TMEM223: variants seen among roughly 807,000 people sequenced by gnomAD.
TMEM223 encodes transmembrane protein 223.
A neutral mutation model predicts 14.1 loss-of-function variants in TMEM223; 14 were observed. That is an observed-to-expected ratio of 0.99 (90% CI 0.66 to 1.55). TMEM223 has a LOEUF of 1.55. TMEM223 is among the 40% of genes most tolerant of loss of function. The pLI is 0.00. For synonymous variants in TMEM223, 145 were observed against 120.5 expected, an observed-to-expected ratio of 1.20 and a Z score of -1.33; for missense variants, 346 against 269.9, an observed-to-expected ratio of 1.28 and a Z score of -1.97.
chr11:62,789,948 G>T (rs184570054), downstream of TMEM223: 43 of 1,614,092 alleles, frequency 2.7e-5, 1 homozygote, highest in Non-Finnish European at 3.4e-5. Context: ...TCGTGCAGTG[G>T]AAGTCTGAAG....
intron 2 of TMEM223, chr11:62,772,278 T>C (rs2084154375): frequency 2.7e-6 from 1 of 373,300 alleles, no homozygotes; most frequent in Non-Finnish European, 5.4e-6. Flanking sequence ...TCCTAGCACT[T>C]TGGGAGGCCG....
At chr11:62,778,919 C>G in intron 1 of TMEM223, 1 of 1,614,068 alleles carries the variant, frequency 6.2e-7, no homozygotes, top group Non-Finnish European at 8.5e-7. Context: ...GTACTATCAC[C>G]AGGTGACTCG....
intron 1 of TMEM223, 44 bp downstream of exon 1, chr11:62,791,635 C>T (rs1307270599): frequency 2.0e-6 from 3 of 1,482,580 alleles, no homozygotes; most frequent in Non-Finnish European, 2.7e-6. Flanking sequence ...GGTCGTGTCC[C>T]GCCACCCCAC....
At chr11:62,776,736 A>G (rs1321880693) in intron 1 of TMEM223, among the ~76,000 whole-genome samples, 1 of 151,854 alleles carries the variant, frequency 6.6e-6, no homozygotes, top group Non-Finnish European at 1.5e-5. Context: ...CTGTAATCCC[A>G]TCTAGTCAGG....
chr11:62,772,805 C>CAA (rs770586046), intron 2 of TMEM223, among the ~76,000 whole-genome samples: 3 of 109,690 alleles, frequency 2.7e-5, no homozygotes, highest in Admixed American at 9.5e-5. Context: ...ACATCATCTC[C>CAA]AAAAAAAAAA....
intron 2 of TMEM223, among the ~76,000 whole-genome samples, chr11:62,773,829 G>A (rs1022682329): frequency 1.3e-5 from 2 of 152,200 alleles, no homozygotes; most frequent in Non-Finnish European, 2.9e-5. Flanking sequence ...AGTGACATTT[G>A]AACTGAAATC....
chr11:62,791,050 TCTCA>T, intron 1 of TMEM223, 135 bp from the exon 2 acceptor site: 4 of 832,520 alleles, frequency 4.8e-6, no homozygotes, highest in Non-Finnish European at 7.2e-6. Flanking sequence ...TGAGACTGAG[TCTCA>T]CTCTGCCGGC....
downstream of TMEM223, chr11:62,789,883 C>T (rs1329474425): frequency 6.2e-7 from 1 of 1,612,408 alleles, no homozygotes; most frequent in African/African-American, 1.3e-5. Context: ...CTGTCTCCTA[C>T]AGACCTCTTC....
chr11:62,790,021 G>C lies in TMEM223; in HGVS notation c.*602C>G, dbSNP rs781136892. The C allele has an allele frequency of 8.7e-6, 14 of 1,613,360 alleles. 1 individual carries two copies. In the South Asian group the frequency reaches 1.5e-4, roughly 18 times the overall value. On this transcript the variant is annotated 3_prime_UTR_variant, in exon 2 of 2. Coordinates refer to ENST00000307366, the MANE Select transcript of TMEM223 (RefSeq NM_001080501.3). ...GTGGAGCTCTGAGACAGATGCTCTC[G>C]TTGGGTCACGCCTTTCCCATTCCTG...
downstream of TMEM223, chr11:62,787,369 C>G (rs2084296190): frequency 6.5e-7 from 1 of 1,540,058 alleles, no homozygotes; most frequent in Non-Finnish European, 8.7e-7. Flanking sequence ...GTGGGTCGCG[C>G]CGGATAAGGT....
At chr11:62,787,650 C>T (rs1314302364), downstream of TMEM223, 42 of 1,257,998 alleles carry the variant, frequency 3.3e-5, no homozygotes, top group Admixed American at 8.5e-5. Flanking sequence ...TGAGGCACGG[C>T]TGGCGCCGGC....
downstream of TMEM223, among the ~76,000 whole-genome samples, chr11:62,788,524 G>A (rs1219328547): frequency 6.6e-6 from 1 of 151,836 alleles, no homozygotes; most frequent in Non-Finnish European, 1.5e-5. Flanking sequence ...CCAACACGGT[G>A]AAACCCTGTC....
chr11:62,782,814 C>T, downstream of TMEM223: 1 of 1,614,072 alleles, frequency 6.2e-7, no homozygotes, highest in Non-Finnish European at 8.5e-7. Flanking sequence ...GCTGCATGCT[C>T]TTGGCTGGAA....
At chr11:62,772,776 T>C (rs1443442157) in intron 2 of TMEM223, among the ~76,000 whole-genome samples, 5 of 148,614 alleles carry the variant, frequency 3.4e-5, no homozygotes, top group Non-Finnish European at 5.9e-5. Context: ...CCAGCCTGGG[T>C]GACAGAGTGA....
At chr11:62,779,952 C>CCATATATATATATATATA (rs1332185092) in intron 1 of TMEM223, among the ~76,000 whole-genome samples, 2 of 100,064 alleles carry the variant, frequency 2.0e-5, no homozygotes, top group African/African-American at 8.9e-5. Context: ...AGGCGTGAGC[C>CCATATATATATATATATA]TATATATATA....
At chr11:62,774,115 T>C (rs566110) in intron 2 of TMEM223, among the ~76,000 whole-genome samples, 3 of 151,982 alleles carry the variant, frequency 2.0e-5, no homozygotes, top group Non-Finnish European at 4.4e-5. Context: ...CTTGCTCTGT[T>C]GCCCAGGCTG....
At chr11:62,771,865 G>T in exon 3 of TMEM223, 1 of 306,198 alleles carries the variant, frequency 3.3e-6, no homozygotes, top group Non-Finnish European at 6.5e-6. Context: ...TGGACTAAAT[G>T]CTCCCATTTT....
At chr11:62,778,379 C>A (rs1288526794) in intron 1 of TMEM223, 1 of 1,610,912 alleles carries the variant, frequency 6.2e-7, no homozygotes, top group Admixed American at 1.7e-5. Context: ...TGAATTTTCT[C>A]CCTTAGGTTC....
downstream of TMEM223, chr11:62,789,885 G>T (rs1170532418): frequency 6.8e-6 from 11 of 1,612,944 alleles, no homozygotes; most frequent in Non-Finnish European, 9.3e-6. Context: ...GTCTCCTACA[G>T]ACCTCTTCTT....
Sources: allele counts gnomAD v4.1 joint callset (sites outside exome capture counted in the v4.1 genomes callset), GRCh38; gene constraint gnomAD v4.1.1; transcripts MANE v1.5; gene names NCBI Gene and HGNC (gene_info 2026-07-23, HGNC 2026-07-21).